VWF: variants seen among roughly 807,000 people sequenced by gnomAD.
VWF encodes the protein von Willebrand factor.
A neutral mutation model predicts 308.6 loss-of-function variants in VWF; 176 were observed. The observed-to-expected ratio is 0.57, with a 90% CI of 0.50 to 0.65. The LOEUF (loss-of-function observed/expected upper bound fraction) is 0.65. Among genes scored for constraint, VWF ranks in the 30% least tolerant of loss-of-function variants. VWF has a pLI of 0.00. For synonymous variants in VWF, 1,385 were observed against 1,443.4 expected (o/e 0.96, Z 0.92); for missense variants, 3,146 against 3,648.2 (o/e 0.86, Z 3.55).
At chr12:5,996,254 C>T (rs771200916) in intron 34 of VWF, 32 bp from the exon 35 acceptor site, 4 of 1,581,354 alleles carry the variant, frequency 2.5e-6, no homozygotes, top group East Asian at 4.6e-5. Context: ...ATGGATGCGA[C>T]GTTATCCAAA....
intron 32 of VWF, among the ~76,000 whole-genome samples, chr12:6,013,068 G>A (rs868298029): frequency 6.6e-5 from 10 of 152,122 alleles, no homozygotes; most frequent in South Asian, 2.1e-4. Flanking sequence ...ATGAGTCTCC[G>A]TGTTATCGTA....
intron 8 of VWF, among the ~76,000 whole-genome samples, 181 bp downstream of exon 8, chr12:6,073,438 G>A (rs981064529): frequency 3.3e-5 from 5 of 152,150 alleles, no homozygotes; most frequent in Non-Finnish European, 4.4e-5. Flanking sequence ...ACAGGACAAC[G>A]TACATTAAAA....
At chr12:5,987,993 A>G (rs2080527502) in intron 38 of VWF, among the ~76,000 whole-genome samples, 1 of 152,198 alleles carries the variant, frequency 6.6e-6, no homozygotes, top group African/African-American at 2.4e-5. Flanking sequence ...ATTATATCTC[A>G]ATAAAGCTAT....
intron 26 of VWF, 62 bp downstream of exon 26, chr12:6,022,678 G>A (rs916986724): frequency 1.1e-4 from 36 of 324,982 alleles, no homozygotes; most frequent in African/African-American, 7.7e-4. Flanking sequence ...AGACCTAGAA[G>A]CACCTTTCCA....
At chr12:6,117,688 G>A (rs1945383358) in intron 3 of VWF, among the ~76,000 whole-genome samples, 1 of 152,286 alleles carries the variant, frequency 6.6e-6, no homozygotes, top group African/African-American at 2.4e-5. Flanking sequence ...GGTGGCGCAC[G>A]CCTGTAATCC....
At chr12:6,051,220 T>C (rs1333768996) in intron 16 of VWF, among the ~76,000 whole-genome samples, 1 of 151,748 alleles carries the variant, frequency 6.6e-6, no homozygotes, top group African/African-American at 2.4e-5. Flanking sequence ...ACGTTGGGGC[T>C]CCTTATACTA....
chr12:6,002,275 A>C (rs1189754030), intron 34 of VWF, among the ~76,000 whole-genome samples: 1 of 151,960 alleles, frequency 6.6e-6, no homozygotes, highest in Non-Finnish European at 1.5e-5. Context: ...AACAGTAAAC[A>C]TAATAAATAA....
chr12:5,983,079 T>C lies in VWF; in HGVS notation c.7081+71A>G, dbSNP rs1555191714. 3.1e-5 allele frequency: 45 copies of C among 1,460,984 alleles called. No homozygotes were observed. The South Asian group carries it at 4.9e-4, about 16-fold the overall frequency. 90.5% of individuals were successfully genotyped at this position (1,460,984 alleles called of 1,614,324 possible). ...ATGACGTGATCTTGGAAGAGGTCCC[T>C]GAGGAGGATGGCCTCCCTCACACCA... On this transcript the variant is annotated intron_variant, in intron 41 of 51. Transcript: ENST00000261405.
At chr12:6,027,245 C>T (rs1323720439) in intron 22 of VWF, among the ~76,000 whole-genome samples, 5 of 152,126 alleles carry the variant, frequency 3.3e-5, no homozygotes, top group South Asian at 2.1e-4. Context: ...CCTTGTACAA[C>T]GGCTGCAGAC....
intron 12 of VWF, 92 bp downstream of exon 12, chr12:6,064,154 G>A: frequency 6.3e-7 from 1 of 1,592,118 alleles, no homozygotes; most frequent in Non-Finnish European, 8.6e-7. Context: ...GAGGCATGCA[G>A]GTCCTTAAGG....
intron 43 of VWF, 105 bp from the exon 44 acceptor site, chr12:5,971,814 C>A: frequency 9.9e-7 from 1 of 1,005,482 alleles, no homozygotes; most frequent in Non-Finnish European, 1.6e-6. Flanking sequence ...GCCAAGTGAT[C>A]ACTGGTCTGG....
chr12:5,964,286 GCATA>G (rs1200667270), intron 47 of VWF, among the ~76,000 whole-genome samples: 4 of 134,762 alleles, frequency 3.0e-5, no homozygotes, highest in African/African-American at 1.0e-4. Context: ...ATACATACAT[GCATA>G]CATACATACA....
Position 6,123,141 on chromosome 12 carries a change from C to A in VWF, c.55+1G>T. ...AGAAATGGAGGCCCTTTTGTACCTACCTGGCAAAATGAGGGCCAGAGCAAG... is the reference window on the plus strand; with the variant it reads ...AGAAATGGAGGCCCTTTTGTACCTAACTGGCAAAATGAGGGCCAGAGCAAG... On this transcript the variant is annotated splice_donor_variant, in intron 2 of 51. Coordinates refer to ENST00000261405, the MANE Select transcript of VWF (RefSeq NM_000552.5). LOFTEE classifies it high-confidence loss of function. The A allele has an allele frequency of 6.2e-7, 1 of 1,614,168 alleles. No homozygotes were observed. Among genetic ancestry groups the A allele is most frequent in the African/African-American group, 1.3e-5 (1 of 75,040 alleles).
At chr12:6,094,575 T>C (rs1945084154) in intron 6 of VWF, among the ~76,000 whole-genome samples, 1 of 152,222 alleles carries the variant, frequency 6.6e-6, no homozygotes, top group Non-Finnish European at 1.5e-5. Flanking sequence ...AAAATCCATG[T>C]GTTGGAACCT....
intron 18 of VWF, among the ~76,000 whole-genome samples, chr12:6,040,202 C>T (rs1726241711): frequency 6.6e-6 from 1 of 152,140 alleles, no homozygotes; most frequent in African/African-American, 2.4e-5. Context: ...TTGCTGTCAC[C>T]TAGTGGTGGT....
At chr12:5,986,345 G>C (rs1943680602) in intron 38 of VWF, among the ~76,000 whole-genome samples, 1 of 152,218 alleles carries the variant, frequency 6.6e-6, no homozygotes, top group African/African-American at 2.4e-5. Flanking sequence ...GAGAAACTGT[G>C]ATTAGCACAG....
chr12:5,952,880 G>A (rs547128698), intron 48 of VWF, among the ~76,000 whole-genome samples: 3 of 152,156 alleles, frequency 2.0e-5, no homozygotes, highest in Non-Finnish European at 2.9e-5. Context: ...TTTGTTTCAC[G>A]CTGATGGCCT....
rs1944262678 is a variant in VWF at position 6,031,517 on chromosome 12, T to TG, written c.2746dup (p.His916ProfsTer20). 1 of 1,613,986 alleles carries TG rather than the reference T, an allele frequency of 6.2e-7. No homozygotes were observed. On this transcript the variant is annotated frameshift_variant, in exon 21 of 52. Transcript: ENST00000261405. LOFTEE classifies it high-confidence loss of function. Reference sequence around the variant, plus strand: ...CCGTTTCTTGCATTTCACTGAGGGGTGGCTGCATCCCTTATTCCCCACTAG... The same window carrying TG: ...CCGTTTCTTGCATTTCACTGAGGGGTGGGCTGCATCCCTTATTCCCCACTAG...
intron 18 of VWF, among the ~76,000 whole-genome samples, chr12:6,041,729 G>A (rs1318071180): frequency 6.6e-6 from 1 of 152,186 alleles, no homozygotes; most frequent in Non-Finnish European, 1.5e-5. Context: ...TTACAGGCGT[G>A]AGCCACTGCG....
Sources: gnomAD v4.1 joint callset for allele counts (sites outside exome capture counted in the v4.1 genomes callset) on GRCh38, gnomAD v4.1.1 for gene constraint, MANE v1.5 for transcripts, NCBI Gene and HGNC (gene_info 2026-07-23, HGNC 2026-07-21) for gene names.